The following UST variants were observed in gnomAD, a reference collection of about 807,000 sequenced individuals.
UST encodes the protein uronyl 2-sulfotransferase.
UST carries 21 observed loss-of-function variants against 45.6 expected under a neutral mutation model. The ratio of observed to expected loss-of-function variants is 0.46; its 90% confidence interval spans 0.33 to 0.66. UST has a LOEUF of 0.66. UST is among the 30% of genes least tolerant of loss of function. The pLI is 0.02. For missense variants in UST, 463 were observed against 512.4 expected (o/e 0.90, Z 0.93); for synonymous variants, 215 against 200.6 (o/e 1.07, Z -0.61).
intron 5 of UST, among the ~76,000 whole-genome samples, chr6:148,972,885 T>A (rs1780946748): frequency 2.9e-5 from 2 of 68,972 alleles, no homozygotes; most frequent in African/African-American, 4.9e-5. Context: ...CTTTGGGATT[T>A]TTTTTTTTTT....
At chr6:148,992,192 G>T (rs1781366603) in intron 5 of UST, among the ~76,000 whole-genome samples, 1 of 152,130 alleles carries the variant, frequency 6.6e-6, no homozygotes, top group Non-Finnish European at 1.5e-5. Flanking sequence ...GTTGGTTCTT[G>T]TGGACCCCTT....
chr6:148,998,375 G>A (rs117054580), intron 5 of UST, among the ~76,000 whole-genome samples: 1,970 of 152,288 alleles, frequency 0.013, 19 homozygotes, highest in Non-Finnish European at 0.018. Flanking sequence ...GATTTGAGGT[G>A]AATGATTCTT....
intron 7 of UST, among the ~76,000 whole-genome samples, chr6:149,048,786 A>G (rs1430245151): frequency 6.6e-6 from 1 of 152,226 alleles, no homozygotes; most frequent in Non-Finnish European, 1.5e-5. Context: ...TTCATAATCT[A>G]AGAAGTGCAT....
At chr6:148,767,183 T>C (rs1046902929) in intron 1 of UST, among the ~76,000 whole-genome samples, 5 of 152,210 alleles carry the variant, frequency 3.3e-5, no homozygotes, top group African/African-American at 1.2e-4. Flanking sequence ...ACAACAAATA[T>C]GTCAGGGTTC....
chr6:148,904,809 G>A (rs1365592289), intron 2 of UST, among the ~76,000 whole-genome samples: 1 of 152,152 alleles, frequency 6.6e-6, no homozygotes, highest in Non-Finnish European at 1.5e-5. Flanking sequence ...GTGAGCCACT[G>A]CACCCAGCCA....
intron 6 of UST, among the ~76,000 whole-genome samples, chr6:149,019,663 C>G (rs1775951847): frequency 1.3e-5 from 2 of 152,204 alleles, no homozygotes; most frequent in African/African-American, 4.8e-5. Context: ...TAGCATGTGT[C>G]ACTGGGTCTG....
chr6:149,061,920 C>T (rs1776660600), intron 7 of UST, among the ~76,000 whole-genome samples: 1 of 152,170 alleles, frequency 6.6e-6, no homozygotes, highest in African/African-American at 2.4e-5. Context: ...CTAAAAAGTA[C>T]CAAAAGTGAT....
chr6:149,069,854 G>A (rs1776794053), intron 7 of UST, among the ~76,000 whole-genome samples: 1 of 152,206 alleles, frequency 6.6e-6, no homozygotes, highest in South Asian at 2.1e-4. Context: ...GCAAGTGATT[G>A]AAGACTAGTA....
chr6:148,898,670 G>A (rs1402315791), intron 2 of UST, among the ~76,000 whole-genome samples: 1 of 152,172 alleles, frequency 6.6e-6, no homozygotes, highest in Non-Finnish European at 1.5e-5. Context: ...AATGTTTAGT[G>A]CTATTAAGCA....
At chr6:149,015,773 C>G (rs1208218061) in intron 5 of UST, among the ~76,000 whole-genome samples, 1 of 152,008 alleles carries the variant, frequency 6.6e-6, no homozygotes, top group African/African-American at 2.4e-5. Context: ...AATCTTAGAC[C>G]AAAGATAAAT....
intron 1 of UST, among the ~76,000 whole-genome samples, chr6:148,877,254 T>G (rs1367636624): frequency 7.7e-5 from 1 of 12,972 alleles, no homozygotes. Context: ...CGTGTGTGGG[T>G]GCGGGGGGTC....
At chr6:149,018,716 G>C (rs1209166874) in intron 5 of UST, among the ~76,000 whole-genome samples, 1 of 152,178 alleles carries the variant, frequency 6.6e-6, no homozygotes, top group Non-Finnish European at 1.5e-5. Context: ...TAGGTACTTA[G>C]TTGTTGGATG....
intron 2 of UST, among the ~76,000 whole-genome samples, chr6:148,924,832 A>G (rs1267375173): frequency 6.6e-6 from 1 of 152,004 alleles, no homozygotes; most frequent in East Asian, 1.9e-4. Flanking sequence ...TGAATTCAGG[A>G]TTTGCATTCT....
chr6:148,910,884 G>A (rs1779460935), intron 2 of UST, among the ~76,000 whole-genome samples: 1 of 152,076 alleles, frequency 6.6e-6, no homozygotes, highest in South Asian at 2.1e-4. Flanking sequence ...CTTCTCAGGG[G>A]TCTCCCCTTC....
chr6:148,787,932 A>G (rs1484617077), intron 1 of UST, among the ~76,000 whole-genome samples: 1 of 152,050 alleles, frequency 6.6e-6, no homozygotes. Context: ...AAAATAGTTT[A>G]CATTCTTGAA....
At chr6:148,927,047 T>C (rs1232484543) in intron 2 of UST, among the ~76,000 whole-genome samples, 1 of 152,152 alleles carries the variant, frequency 6.6e-6, no homozygotes, top group East Asian at 1.9e-4. Context: ...TTTAAAATAT[T>C]CTCTGAAGAC....
chr6:148,978,073 A>G (rs549612213), intron 5 of UST, among the ~76,000 whole-genome samples: 2 of 152,274 alleles, frequency 1.3e-5, no homozygotes, highest in South Asian at 2.1e-4. Context: ...TAATTTCTAT[A>G]TATTACCTTT....
chr6:148,883,469 A>G (rs1330059501), intron 1 of UST, among the ~76,000 whole-genome samples: 5 of 152,222 alleles, frequency 3.3e-5, no homozygotes. Context: ...CTACACATCC[A>G]TGTAAAAGCT....
intron 1 of UST, among the ~76,000 whole-genome samples, chr6:148,868,728 C>T (rs1238595933): frequency 6.6e-6 from 1 of 152,106 alleles, no homozygotes; most frequent in African/African-American, 2.4e-5. Flanking sequence ...GGTATAACCC[C>T]CCCATCATAA....
Sources: allele counts gnomAD v4.1 joint callset (sites outside exome capture counted in the v4.1 genomes callset), GRCh38; gene constraint gnomAD v4.1.1; transcripts MANE v1.5; gene names NCBI Gene and HGNC (gene_info 2026-07-23, HGNC 2026-07-21).